The following TMEM244 variants were observed in gnomAD, a reference collection of about 807,000 sequenced individuals.
TMEM244 encodes transmembrane protein 244.
In TMEM244, 13 loss-of-function variants were observed where a neutral mutation model predicts 15.8. That is an observed-to-expected ratio of 0.82 (90% CI 0.53 to 1.30). TMEM244 has a LOEUF of 1.30. TMEM244 is among the 50% of genes most tolerant of loss of function. The probability of loss-of-function intolerance (pLI) is 0.00; values close to 1 mark genes in which losing one functional copy is unlikely to be tolerated. For missense variants in TMEM244, 161 were observed against 144.9 expected (o/e 1.11, Z -0.57); for synonymous variants, 45 against 48.7 (o/e 0.92, Z 0.32).
intron 3 of TMEM244, among the ~76,000 whole-genome samples, chr6:129,835,136 C>G (rs1179779062): frequency 6.6e-6 from 1 of 152,168 alleles, no homozygotes; most frequent in Non-Finnish European, 1.5e-5. Context: ...TGGTTCACAC[C>G]TGTAATTCCA....
intron 3 of TMEM244, among the ~76,000 whole-genome samples, chr6:129,833,899 T>C (rs1302237301): frequency 6.6e-6 from 1 of 152,202 alleles, no homozygotes; most frequent in Non-Finnish European, 1.5e-5. Flanking sequence ...GTAATTGGAT[T>C]GCAAATCTCA....
At chr6:129,855,345 A>T (rs1156485859) in intron 1 of TMEM244, among the ~76,000 whole-genome samples, 13 of 152,214 alleles carry the variant, frequency 8.5e-5, no homozygotes, top group Non-Finnish European at 1.5e-5. Context: ...GCCTTGCTAA[A>T]GATGACGGGG....
At chr6:129,857,864 A>G (rs1776739325) in intron 1 of TMEM244, among the ~76,000 whole-genome samples, 1 of 150,764 alleles carries the variant, frequency 6.6e-6, no homozygotes, top group African/African-American at 2.4e-5. Flanking sequence ...ATATATATAT[A>G]TCTGATCAGA....
chr6:129,843,421 A>G (rs1271315163), intron 3 of TMEM244, 109 bp downstream of exon 3: 4 of 644,658 alleles, frequency 6.2e-6, no homozygotes, highest in Middle Eastern at 4.8e-4. Context: ...TAAAATACAT[A>G]GATGACTGCG....
intron 3 of TMEM244, among the ~76,000 whole-genome samples, chr6:129,842,083 C>A (rs1452555914): frequency 6.6e-6 from 1 of 152,246 alleles, no homozygotes; most frequent in African/African-American, 2.4e-5. Flanking sequence ...TGGAGATCTT[C>A]GCTAATCCCT....
chr6:129,842,248 A>G (rs1776501502), intron 3 of TMEM244, among the ~76,000 whole-genome samples: 1 of 152,166 alleles, frequency 6.6e-6, no homozygotes, highest in Non-Finnish European at 1.5e-5. Context: ...CAAAACACAC[A>G]CATGGCCCAT....
At chr6:129,850,821 A>G (rs1776628665) in intron 1 of TMEM244, among the ~76,000 whole-genome samples, 1 of 152,216 alleles carries the variant, frequency 6.6e-6, no homozygotes, top group Admixed American at 6.5e-5. Context: ...TTTACAAGAC[A>G]TCTCAATTCA....
chr6:129,843,673 C>A (rs1407477518), intron 2 of TMEM244, 70 bp from the exon 3 acceptor site: 1 of 1,110,544 alleles, frequency 9.0e-7, no homozygotes, highest in South Asian at 1.4e-5. Flanking sequence ...CAAAGTGACA[C>A]ACGTTACTAT....
At chr6:129,853,859 T>A (rs1776668456) in intron 1 of TMEM244, among the ~76,000 whole-genome samples, 1 of 152,164 alleles carries the variant, frequency 6.6e-6, no homozygotes, top group African/African-American at 2.4e-5. Flanking sequence ...GGAGCCTGAG[T>A]ACTTCAGCAG....
At chr6:129,846,544 C>A (rs1325664017) in intron 1 of TMEM244, among the ~76,000 whole-genome samples, 1 of 152,148 alleles carries the variant, frequency 6.6e-6, no homozygotes, top group South Asian at 2.1e-4. Flanking sequence ...AGAATTAATG[C>A]AATATACAAA....
intron 1 of TMEM244, among the ~76,000 whole-genome samples, chr6:129,859,386 C>T (rs546029156): frequency 5.6e-4 from 86 of 152,316 alleles, no homozygotes; most frequent in Non-Finnish European, 1.0e-3. Flanking sequence ...AGATATGACT[C>T]TCTCACTTGT....
intron 1 of TMEM244, among the ~76,000 whole-genome samples, chr6:129,848,205 A>C (rs981171009): frequency 1.4e-4 from 22 of 152,140 alleles, no homozygotes; most frequent in African/African-American, 4.8e-4. Context: ...GTTCCATGAT[A>C]GCTGACACAA....
At chr6:129,842,431 G>T (rs1776505564) in intron 3 of TMEM244, among the ~76,000 whole-genome samples, 1 of 152,060 alleles carries the variant, frequency 6.6e-6, no homozygotes, top group Admixed American at 6.6e-5. Context: ...ATCAATAATG[G>T]CACCAAACAA....
chr6:129,847,750 ATTCC>A (rs1301033215), intron 1 of TMEM244, among the ~76,000 whole-genome samples: 1 of 147,572 alleles, frequency 6.8e-6, no homozygotes, highest in Non-Finnish European at 1.5e-5. Flanking sequence ...AGGATCTCAC[ATTCC>A]TTGTTTCTTT....
intron 3 of TMEM244, among the ~76,000 whole-genome samples, 164 bp from the exon 4 acceptor site, chr6:129,833,749 A>G (rs1776363428): frequency 6.6e-6 from 1 of 152,230 alleles, no homozygotes. Flanking sequence ...TAAAACAATT[A>G]ACATATTTTA....
At chr6:129,833,395 A>G in intron 4 of TMEM244, 65 bp downstream of exon 4, 1 of 1,524,160 alleles carries the variant, frequency 6.6e-7, no homozygotes. Context: ...CTACTCAGGA[A>G]GTGGTTTATG....
intron 3 of TMEM244, among the ~76,000 whole-genome samples, chr6:129,843,221 C>A (rs571307173): frequency 6.6e-6 from 1 of 152,142 alleles, no homozygotes; most frequent in African/African-American, 2.4e-5. Context: ...TCTACATCAG[C>A]ACATTAAGTC....
chr6:129,836,028 C>T lies in TMEM244; in HGVS notation c.194-2443G>A, dbSNP rs7774464. 7.3e-3 allele frequency among the ~76,000 whole-genome samples: 1,117 copies of T among 152,296 alleles called. 15 individuals are homozygous for T. The highest frequency in any genetic ancestry group is 0.025 in the African/African-American group (1,053 of 41,562). ...AGCAGTCAGCTTCTGCAGATTTAAACGTCCCGTCTGACAGCTCTGAAGAGA... is the reference window on the plus strand; with the variant it reads ...AGCAGTCAGCTTCTGCAGATTTAAATGTCCCGTCTGACAGCTCTGAAGAGA... On this transcript the variant is annotated intron_variant, in intron 3 of 4. Coordinates refer to ENST00000368143, the MANE Select transcript of TMEM244 (RefSeq NM_001010876.2).
intron 1 of TMEM244, among the ~76,000 whole-genome samples, chr6:129,846,952 A>T (rs2114641011): frequency 6.6e-6 from 1 of 152,296 alleles, no homozygotes; most frequent in South Asian, 2.1e-4. Flanking sequence ...TAAACAAAAA[A>T]ATCCCATTAG....
Sources: allele counts gnomAD v4.1 joint callset (sites outside exome capture counted in the v4.1 genomes callset), GRCh38; gene constraint gnomAD v4.1.1; transcripts MANE v1.5; gene names NCBI Gene and HGNC (gene_info 2026-07-23, HGNC 2026-07-21).